AGBL4: variants seen among roughly 807,000 people sequenced by gnomAD.
AGBL4 encodes AGBL carboxypeptidase 4.
In AGBL4, 58 loss-of-function variants were observed where a neutral mutation model predicts 66.4. The ratio of observed to expected loss-of-function variants is 0.87; its 90% CI spans 0.71 to 1.09. AGBL4 has a LOEUF of 1.09. Among genes scored for constraint, AGBL4 ranks in the 50% least tolerant of loss-of-function variants. The pLI is 0.00. For synonymous variants in AGBL4, 234 were observed against 222.9 expected (o/e 1.05, Z -0.44); for missense variants, 579 against 631.0 (o/e 0.92, Z 0.88).
intron 1 of AGBL4, among the ~76,000 whole-genome samples, chr1:50,005,370 T>A (rs1219734247): frequency 2.2e-4 from 33 of 152,138 alleles, no homozygotes; most frequent in Non-Finnish European, 1.5e-5. Context: ...TTCTTCCAGA[T>A]TTTATCCAAA....
At chr1:49,643,519 A>G (rs1444722520) in intron 3 of AGBL4, among the ~76,000 whole-genome samples, 1 of 151,760 alleles carries the variant, frequency 6.6e-6, no homozygotes, top group Non-Finnish European at 1.5e-5. Flanking sequence ...AACAGAAAAA[A>G]ACACCAAAAT....
At chr1:49,181,518 T>G (rs867639559) in intron 4 of AGBL4, among the ~76,000 whole-genome samples, 1 of 152,194 alleles carries the variant, frequency 6.6e-6, no homozygotes, top group African/African-American at 2.4e-5. Context: ...AATATCTCTG[T>G]GAACCTCAGT....
intron 6 of AGBL4, among the ~76,000 whole-genome samples, chr1:48,799,858 A>G (rs1645769871): frequency 6.6e-6 from 1 of 152,098 alleles, no homozygotes. Context: ...CTACTTGACC[A>G]TGATGTATTG....
chr1:48,864,251 C>T (rs745688138), intron 6 of AGBL4, among the ~76,000 whole-genome samples: 4 of 152,080 alleles, frequency 2.6e-5, no homozygotes, highest in Non-Finnish European at 4.4e-5. Flanking sequence ...ATTTCATGTT[C>T]ATCATGACAA....
chr1:49,694,708 T>C (rs1051900126), intron 3 of AGBL4, among the ~76,000 whole-genome samples: 4 of 152,168 alleles, frequency 2.6e-5, no homozygotes, highest in African/African-American at 9.7e-5. Flanking sequence ...AGCTTCGACA[T>C]GTAATAAGTA....
intron 5 of AGBL4, among the ~76,000 whole-genome samples, chr1:48,969,361 CT>C (rs1658722491): frequency 6.6e-6 from 1 of 152,114 alleles, no homozygotes; most frequent in Admixed American, 6.6e-5. Context: ...TTGCAGTCTC[CT>C]TTTTCAAAGG....
chr1:49,714,037 T>G (rs1647883533), intron 2 of AGBL4, among the ~76,000 whole-genome samples: 1 of 152,060 alleles, frequency 6.6e-6, no homozygotes, highest in African/African-American at 2.4e-5. Context: ...ATTAACTTAA[T>G]ATATTTAAAT....
intron 3 of AGBL4, among the ~76,000 whole-genome samples, chr1:49,650,534 G>A (rs1375619709): frequency 2.6e-5 from 4 of 152,146 alleles, no homozygotes; most frequent in African/African-American, 9.7e-5. Context: ...AACTGACATA[G>A]CAGGTGCCAC....
chr1:49,414,082 A>G (rs937971015), intron 3 of AGBL4, among the ~76,000 whole-genome samples: 1 of 152,198 alleles, frequency 6.6e-6, no homozygotes, highest in Non-Finnish European at 1.5e-5. Context: ...TAATGAGAAA[A>G]GGTGAAGAAA....
intron 3 of AGBL4, among the ~76,000 whole-genome samples, chr1:49,377,695 C>T (rs929097072): frequency 6.6e-6 from 1 of 152,034 alleles, no homozygotes; most frequent in Non-Finnish European, 1.5e-5. Flanking sequence ...CTTTTATATT[C>T]GTTTTCCTGA....
intron 1 of AGBL4, among the ~76,000 whole-genome samples, chr1:49,969,037 G>T (rs755225101): frequency 1.3e-5 from 2 of 152,180 alleles, no homozygotes; most frequent in Non-Finnish European, 2.9e-5. Context: ...TGAATAGCAT[G>T]ACTTGTCTTT....
intron 3 of AGBL4, among the ~76,000 whole-genome samples, chr1:49,566,301 A>G (rs1644202671): frequency 6.6e-6 from 1 of 152,098 alleles, no homozygotes; most frequent in African/African-American, 2.4e-5. Context: ...CTCTCAATTC[A>G]TCAAAGTTAC....
chr1:48,884,669 TTTTCTTCATCTGCATATTA>T (rs1287740860), intron 5 of AGBL4, among the ~76,000 whole-genome samples: 1 of 152,162 alleles, frequency 6.6e-6, no homozygotes, highest in East Asian at 1.9e-4. Context: ...CAAGACATGC[TTTTCTTCATCTGCATATTA>T]TATCCCTAAA....
At chr1:49,035,259 C>T (rs72682963) in intron 5 of AGBL4, among the ~76,000 whole-genome samples, 6,504 of 152,134 alleles carry the variant, frequency 0.043, 256 homozygotes, top group East Asian at 0.16. Flanking sequence ...ATCCAAGTCA[C>T]GCAGGTCTAC....
chr1:48,913,571 G>A (rs1653332862), intron 5 of AGBL4, among the ~76,000 whole-genome samples: 1 of 152,044 alleles, frequency 6.6e-6, no homozygotes, highest in Non-Finnish European at 1.5e-5. Context: ...CTAGGTTGTG[G>A]GCTCCTTATG....
At chr1:48,992,442 A>G (rs1243834010) in intron 5 of AGBL4, among the ~76,000 whole-genome samples, 1 of 152,064 alleles carries the variant, frequency 6.6e-6, no homozygotes, top group Admixed American at 6.5e-5. Flanking sequence ...AAGCCAGTAT[A>G]GCACTGCGTC....
intron 4 of AGBL4, among the ~76,000 whole-genome samples, chr1:49,129,690 G>C (rs370165960): frequency 2.6e-3 from 395 of 151,658 alleles, no homozygotes; most frequent in East Asian, 0.013. Context: ...ATATGTGCCA[G>C]ATTTTCTTAA....
chr1:49,754,316 C>T (rs1226028940), intron 2 of AGBL4, among the ~76,000 whole-genome samples: 1 of 147,638 alleles, frequency 6.8e-6, no homozygotes, highest in Admixed American at 6.8e-5. Context: ...TATTATTATA[C>T]TCTAAGTTTT....
intron 2 of AGBL4, among the ~76,000 whole-genome samples, chr1:49,813,235 A>AGGAGT (rs1645145937): frequency 1.3e-5 from 2 of 152,124 alleles, no homozygotes; most frequent in African/African-American, 4.8e-5. Context: ...TCACTATACC[A>AGGAGT]CTAGTAGGCA....
Sources: gnomAD v4.1 joint callset for allele counts (sites outside exome capture counted in the v4.1 genomes callset) on GRCh38, gnomAD v4.1.1 for gene constraint, MANE v1.5 for transcripts, NCBI Gene and HGNC (gene_info 2026-07-23, HGNC 2026-07-21) for gene names.